The following ABLIM2 variants were observed in gnomAD, a reference collection of about 807,000 sequenced individuals.
ABLIM2 encodes actin binding LIM protein family member 2.
Under a neutral mutation model 97.7 loss-of-function variants are expected in ABLIM2, and 53 were observed. The observed-to-expected ratio is 0.54, with a 90% confidence interval of 0.44 to 0.68. ABLIM2 has a LOEUF of 0.68. Among genes scored for constraint, ABLIM2 ranks in the 30% least tolerant of loss-of-function variants. The pLI, the probability that ABLIM2 is intolerant of heterozygous loss-of-function variation, is 0.00. For synonymous variants in ABLIM2, 361 were observed against 345.8 expected (o/e 1.04, Z -0.49); for missense variants, 835 against 867.2 (o/e 0.96, Z 0.47).
intron 6 of ABLIM2, among the ~76,000 whole-genome samples, chr4:8,073,646 T>C (rs561468796): frequency 1.3e-5 from 2 of 151,674 alleles, no homozygotes; most frequent in African/African-American, 4.8e-5. Flanking sequence ...ATATCAGATA[T>C]GATCGCCACC....
chr4:8,093,204 A>G (rs905841384), intron 3 of ABLIM2, among the ~76,000 whole-genome samples: 2 of 152,212 alleles, frequency 1.3e-5, no homozygotes, highest in Non-Finnish European at 2.9e-5. Context: ...GTTGTGAATA[A>G]TCAATATTTT....
In ABLIM2 at chr4:8,147,421, T is replaced by C. The variant is rs139023684; in HGVS notation, c.10+11259A>G. Among the ~76,000 whole-genome samples the C allele has an allele frequency of 3.4e-3, 521 of 152,250 alleles. 3 individuals are homozygous for C. The highest frequency in any genetic ancestry group is 0.012 in the African/African-American group (491 of 41,538). ...ATATCCCCATCTAATCGCTAAAACC[T>C]GTGACATATATGGTTAAAAGGGGAG... is the stretch of plus-strand genomic sequence containing the variant. On this transcript the variant is annotated intron_variant, in intron 1 of 20. Coordinates refer to ENST00000447017, the MANE Select transcript of ABLIM2 (RefSeq NM_001130083.2). The surrounding 1 kb of genome is among the most constrained non-coding windows in gnomAD (Gnocchi z 5.3).
chr4:8,017,968 G>A (rs2150800399), intron 14 of ABLIM2, among the ~76,000 whole-genome samples: 1 of 151,580 alleles, frequency 6.6e-6, no homozygotes, highest in Admixed American at 6.6e-5. Context: ...ACTCCAGCCT[G>A]GTGACAGAGC....
chr4:8,036,686 T>A (rs945931756), intron 9 of ABLIM2, among the ~76,000 whole-genome samples: 2 of 152,128 alleles, frequency 1.3e-5, no homozygotes, highest in Admixed American at 1.3e-4. Flanking sequence ...TTTCCTTCTG[T>A]ACAAAATGAG....
chr4:8,042,689 C>G (rs1789501562), intron 9 of ABLIM2, among the ~76,000 whole-genome samples: 1 of 151,936 alleles, frequency 6.6e-6, no homozygotes, highest in Non-Finnish European at 1.5e-5. Flanking sequence ...AAAATACAAA[C>G]TTAGCTGGGT....
chr4:7,984,702 TC>T (rs1178653360), intron 18 of ABLIM2, 136 bp downstream of exon 18: 13 of 890,320 alleles, frequency 1.5e-5, no homozygotes, highest in Non-Finnish European at 2.2e-5. Flanking sequence ...CAGCACGCCC[TC>T]CCCCGAGGTG....
intron 5 of ABLIM2, among the ~76,000 whole-genome samples, chr4:8,079,641 C>T (rs1410630457): frequency 2.6e-5 from 4 of 152,124 alleles, no homozygotes; most frequent in Admixed American, 2.6e-4. Context: ...CCTAGTTTCC[C>T]CCAGTGGTGA....
chr4:8,050,271 A>C (rs1795118179), intron 8 of ABLIM2, among the ~76,000 whole-genome samples: 1 of 151,662 alleles, frequency 6.6e-6, no homozygotes, highest in Admixed American at 6.6e-5. Flanking sequence ...TTACAGTTTC[A>C]CTCTTTCCGT....
At chr4:8,074,035 C>T (rs1225684685) in intron 6 of ABLIM2, among the ~76,000 whole-genome samples, 1 of 136,868 alleles carries the variant, frequency 7.3e-6, no homozygotes, top group Admixed American at 8.2e-5. Flanking sequence ...TGCAGTGAGC[C>T]GAGATTGCGC....
At chr4:8,077,247 C>T (rs1816799777) in intron 6 of ABLIM2, among the ~76,000 whole-genome samples, 1 of 152,162 alleles carries the variant, frequency 6.6e-6, no homozygotes, top group Admixed American at 6.5e-5. Context: ...TGCTATCTGC[C>T]CTGCCTCCCG....
chr4:8,140,728 A>G lies in ABLIM2; in HGVS notation c.10+17952T>C, dbSNP rs28397948. Among the ~76,000 whole-genome samples, 40,370 of 151,872 alleles carry G rather than the reference A, an allele frequency of 0.27. 7,152 individuals carry two copies. The highest frequency in any genetic ancestry group is 0.51 in the African/African-American group (20,971 of 41,276). The stretch of plus-strand genomic sequence containing the variant: ...GCCTCCTGAAGGTCCCACGGAGGCC[A>G]GCAGAGAGTAGCACCCAGACACATG... On this transcript the variant is annotated intron_variant, in intron 1 of 20. Transcript: ENST00000447017. This position sits in a 1 kb window ranked among gnomAD's most constrained non-coding sequence, Gnocchi z 5.9.
At position 7,998,184 on chromosome 4, in the gene ABLIM2, C is replaced by A. The variant is rs551252883; in HGVS notation, c.1619-5257G>T. Reference sequence around the variant, plus strand: ...TACAGGTGTGAGCCACTGCGCCGGGCCTTCTGCTGTCTTTTTTCATTCAAA... The same window carrying A: ...TACAGGTGTGAGCCACTGCGCCGGGACTTCTGCTGTCTTTTTTCATTCAAA... On this transcript the variant is annotated intron_variant, in intron 16 of 20. Transcript: ENST00000447017. This position sits in a 1 kb window ranked among gnomAD's most constrained non-coding sequence, Gnocchi z 6.4. Among the ~76,000 whole-genome samples, 82 of 152,152 alleles carry A rather than the reference C, an allele frequency of 5.4e-4. No individual in the cohort carries two copies. Among genetic ancestry groups the A allele is most frequent in the African/African-American group, 1.8e-3 (76 of 41,522 alleles).
chr4:8,080,542 A>G, intron 5 of ABLIM2, 134 bp downstream of exon 5: 1 of 1,031,254 alleles, frequency 9.7e-7, no homozygotes, highest in Non-Finnish European at 1.3e-6. Context: ...ACCCAGCAGC[A>G]GGGCAGTAGT....
chr4:8,092,876 G>C (rs4696752), intron 3 of ABLIM2, among the ~76,000 whole-genome samples: 1 of 151,816 alleles, frequency 6.6e-6, no homozygotes, highest in African/African-American at 2.4e-5. Flanking sequence ...TGAGATGGAG[G>C]CTCCCTCTGT....
Position 8,033,828 on chromosome 4 carries a change from G to T in ABLIM2, c.1047+2321C>A, listed in dbSNP as rs1157300169. On this transcript the variant is annotated intron_variant, in intron 10 of 20. Coordinates refer to ENST00000447017, the MANE Select transcript of ABLIM2 (RefSeq NM_001130083.2). The surrounding 1 kb of genome is among the most constrained non-coding windows in gnomAD (Gnocchi z 4.5). ...AAGGGCCCGTGTCCACTTGGGCCTG[G>T]AAGCTGTGTCCTGGTCATACCATGA... Among the ~76,000 whole-genome samples the T allele has an allele frequency of 6.6e-6, 1 of 152,238 alleles. No individual in the cohort carries two copies. Among genetic ancestry groups the T allele is most frequent in the African/African-American group, 2.4e-5 (1 of 41,464 alleles).
intron 20 of ABLIM2, among the ~76,000 whole-genome samples, chr4:7,976,704 C>T (rs1733407086): frequency 6.6e-6 from 1 of 151,740 alleles, no homozygotes; most frequent in South Asian, 2.1e-4. Flanking sequence ...CACATGCACA[C>T]ACACGTATAT....
intron 2 of ABLIM2, among the ~76,000 whole-genome samples, chr4:8,097,541 G>C (rs186362624): frequency 1.5e-4 from 23 of 152,210 alleles, no homozygotes; most frequent in African/African-American, 5.5e-4. Flanking sequence ...ACAAGAGCCA[G>C]GCTCTCTTGA....
At chr4:8,011,580 C>T (rs1324687652) in intron 14 of ABLIM2, among the ~76,000 whole-genome samples, 1 of 152,212 alleles carries the variant, frequency 6.6e-6, no homozygotes, top group African/African-American at 2.4e-5. Context: ...TAATAGGAAA[C>T]TCAGCTTACA....
intron 5 of ABLIM2, among the ~76,000 whole-genome samples, chr4:8,079,934 G>C (rs1403428364): frequency 6.6e-6 from 1 of 152,194 alleles, no homozygotes; most frequent in Non-Finnish European, 1.5e-5. Flanking sequence ...TCTGCGCTCA[G>C]AGGAGCTGCC....
Sources: allele counts gnomAD v4.1 joint callset (sites outside exome capture counted in the v4.1 genomes callset), GRCh38; gene constraint gnomAD v4.1.1; non-coding constraint Gnocchi (gnomAD v3.1); transcripts MANE v1.5; gene names NCBI Gene and HGNC (gene_info 2026-07-23, HGNC 2026-07-21).